SLC6A11: variants seen among roughly 807,000 people sequenced by gnomAD.
SLC6A11 encodes the protein solute carrier family 6 member 11, also known as sodium- and chloride-dependent GABA transporter 3.
SLC6A11 carries 25 observed loss-of-function variants against 74.8 expected under a neutral mutation model. The ratio of observed to expected loss-of-function variants is 0.33; its 90% confidence interval spans 0.24 to 0.47. The LOEUF is 0.47. SLC6A11 is among the 20% of genes least tolerant of loss of function. SLC6A11 has a pLI of 1.00. For missense variants in SLC6A11, 574 were observed against 837.0 expected (o/e 0.69, Z 3.88); for synonymous variants, 330 against 330.2 (o/e 1.00, Z 0.01).
At chr3:10,902,685 T>A (rs768049098) in intron 6 of SLC6A11, among the ~76,000 whole-genome samples, 1 of 152,222 alleles carries the variant, frequency 6.6e-6, no homozygotes, top group African/African-American at 2.4e-5. Flanking sequence ...TTTGCCCTTT[T>A]CATTAAGCTC....
intron 9 of SLC6A11, among the ~76,000 whole-genome samples, chr3:10,927,993 G>C (rs1695631700): frequency 6.6e-6 from 1 of 152,150 alleles, no homozygotes; most frequent in Admixed American, 6.5e-5. Flanking sequence ...TTCAAATCCA[G>C]GCTTTGCCAC....
At chr3:10,880,077 G>A (rs543526739) in intron 6 of SLC6A11, among the ~76,000 whole-genome samples, 7 of 152,258 alleles carry the variant, frequency 4.6e-5, no homozygotes, top group Middle Eastern at 3.4e-3. Flanking sequence ...GTGCTGTGGC[G>A]GTAGAGAAAC....
At chr3:10,860,796 C>T (rs1391974720) in intron 5 of SLC6A11, among the ~76,000 whole-genome samples, 1 of 152,060 alleles carries the variant, frequency 6.6e-6, no homozygotes, top group South Asian at 2.1e-4. Flanking sequence ...TTGGATGACA[C>T]CATTATCTAA....
At chr3:10,885,779 C>T (rs911005123) in intron 6 of SLC6A11, among the ~76,000 whole-genome samples, 1 of 152,040 alleles carries the variant, frequency 6.6e-6, no homozygotes, top group African/African-American at 2.4e-5. Context: ...CCCCCATCCC[C>T]TTGCCTCCCT....
At chr3:10,912,228 C>T (rs776789130) in intron 7 of SLC6A11, 35 bp downstream of exon 7, 5 of 1,413,870 alleles carry the variant, frequency 3.5e-6, no homozygotes, top group Non-Finnish European at 5.0e-6. Context: ...AGCTCTCCAC[C>T]AAACCCTGAG....
chr3:10,873,396 TATG>T (rs1694852149), intron 5 of SLC6A11, among the ~76,000 whole-genome samples: 1 of 4,736 alleles, frequency 2.1e-4, no homozygotes, highest in African/African-American at 5.7e-4. Context: ...TATCCTATCC[TATG>T]CTATCCTATC....
At chr3:10,876,289 T>C (rs1433296968) in intron 6 of SLC6A11, among the ~76,000 whole-genome samples, 1 of 152,214 alleles carries the variant, frequency 6.6e-6, no homozygotes, top group Admixed American at 6.5e-5. Context: ...GCATTCTGAA[T>C]TGCAGGCAGA....
chr3:10,914,672 A>G (rs1277744679), intron 7 of SLC6A11, among the ~76,000 whole-genome samples: 2 of 152,262 alleles, frequency 1.3e-5, no homozygotes, highest in East Asian at 1.9e-4. Flanking sequence ...GGATGTGGGC[A>G]TGGGGGATGA....
chr3:10,853,845 C>T (rs111504313), intron 5 of SLC6A11, among the ~76,000 whole-genome samples: 3 of 152,218 alleles, frequency 2.0e-5, no homozygotes, highest in Admixed American at 6.5e-5. Context: ...CCACCTTGCA[C>T]GTGACAGAGC....
chr3:10,928,534 T>C (rs1695640009), intron 9 of SLC6A11, among the ~76,000 whole-genome samples: 1 of 152,146 alleles, frequency 6.6e-6, no homozygotes, highest in Non-Finnish European at 1.5e-5. Flanking sequence ...AGATACCTTG[T>C]ACCTGGCCCT....
Position 10,844,356 on chromosome 3 carries a change from C to A in SLC6A11, c.756+10C>A. 6.2e-7 allele frequency: 1 copy of A among 1,614,040 alleles called. No homozygotes were observed. The highest frequency in any genetic ancestry group is 1.7e-5 in the Admixed American group (1 of 60,014). The stretch of plus-strand genomic sequence containing the variant: ...CAAGTCTACAGGAAAGGTAAGAGGT[C>A]GATCTTCAAGCAGCTAACCGTGGCA... On this transcript the variant is annotated intron_variant, in intron 5 of 13. Transcript: ENST00000254488.
At chr3:10,817,972 T>C (rs1559550210) in intron 1 of SLC6A11, among the ~76,000 whole-genome samples, 1 of 151,856 alleles carries the variant, frequency 6.6e-6, no homozygotes, top group Non-Finnish European at 1.5e-5. Context: ...TTTTAACATC[T>C]TTTTTTTCCA....
chr3:10,900,853 A>G (rs1180901697), intron 6 of SLC6A11, among the ~76,000 whole-genome samples: 1 of 152,140 alleles, frequency 6.6e-6, no homozygotes, highest in African/African-American at 2.4e-5. Context: ...CCCCACCATC[A>G]TTGCCCACTC....
intron 5 of SLC6A11, among the ~76,000 whole-genome samples, chr3:10,850,811 T>C (rs1334724620): frequency 2.0e-5 from 3 of 152,138 alleles, no homozygotes; most frequent in African/African-American, 7.2e-5. Flanking sequence ...GCAAGCTGGC[T>C]GTGGCTGCTT....
chr3:10,935,267 C>G, intron 13 of SLC6A11, 68 bp downstream of exon 13: 2 of 1,448,280 alleles, frequency 1.4e-6, no homozygotes, highest in Non-Finnish European at 9.6e-7. Context: ...GTTTCCTCAT[C>G]TGCATGGTGC....
At chr3:10,901,555 C>T (rs1695240549) in intron 6 of SLC6A11, among the ~76,000 whole-genome samples, 1 of 152,248 alleles carries the variant, frequency 6.6e-6, no homozygotes, top group East Asian at 1.9e-4. Context: ...AACATATTTC[C>T]AGTTGGGCTT....
intron 8 of SLC6A11, among the ~76,000 whole-genome samples, chr3:10,922,170 A>T (rs544280099): frequency 6.6e-6 from 1 of 152,354 alleles, no homozygotes; most frequent in Non-Finnish European, 1.5e-5. Context: ...CCTGCAGAGC[A>T]CAATTCTTTT....
chr3:10,823,441 G>T (rs1433005513), intron 4 of SLC6A11, 49 bp downstream of exon 4: 2 of 1,273,178 alleles, frequency 1.6e-6, no homozygotes, highest in Admixed American at 1.7e-5. Context: ...GCTCTGTCCT[G>T]GTTCTGCTCA....
At chr3:10,881,754 C>T (rs538348669) in intron 6 of SLC6A11, among the ~76,000 whole-genome samples, 3 of 152,280 alleles carry the variant, frequency 2.0e-5, no homozygotes, top group Admixed American at 1.3e-4. Context: ...CACCTTCCCA[C>T]CCCAGAGGAT....
Sources: allele counts gnomAD v4.1 joint callset (sites outside exome capture counted in the v4.1 genomes callset), GRCh38; gene constraint gnomAD v4.1.1; transcripts MANE v1.5; gene names NCBI Gene and HGNC (gene_info 2026-07-23, HGNC 2026-07-21).